CDH18: variants seen among roughly 807,000 people sequenced by gnomAD.
The protein encoded by CDH18 is cadherin-18.
In CDH18, 31 loss-of-function variants were observed where a neutral mutation model predicts 67.9. The ratio of observed to expected loss-of-function variants is 0.46; its 90% CI spans 0.34 to 0.62. The LOEUF (loss-of-function observed/expected upper bound fraction) is 0.62. CDH18 is among the 20% of genes least tolerant of loss of function. The pLI is 0.01. For synonymous variants in CDH18, 362 were observed against 347.2 expected, an observed-to-expected ratio of 1.04 and a Z score of -0.48; for missense variants, 890 against 975.5, an observed-to-expected ratio of 0.91 and a Z score of 1.17.
chr5:20,136,744 G>A (rs1749760425), intron 2 of CDH18, among the ~76,000 whole-genome samples: 1 of 152,118 alleles, frequency 6.6e-6, no homozygotes, highest in South Asian at 2.1e-4. Flanking sequence ...TCCTTTCCAT[G>A]TTTAGTGCTT....
At chr5:19,636,582 C>T (rs1383978859) in intron 5 of CDH18, among the ~76,000 whole-genome samples, 2 of 151,740 alleles carry the variant, frequency 1.3e-5, no homozygotes, top group East Asian at 1.9e-4. Context: ...ATACTGCTAC[C>T]TCTAATCTCC....
intron 5 of CDH18, among the ~76,000 whole-genome samples, chr5:19,636,382 C>A (rs1010770977): frequency 6.6e-6 from 1 of 151,782 alleles, no homozygotes; most frequent in Non-Finnish European, 1.5e-5. Context: ...TGCATCAAAA[C>A]GTTTTTTCCA....
At chr5:19,775,740 G>T (rs2149760099) in intron 3 of CDH18, among the ~76,000 whole-genome samples, 1 of 152,196 alleles carries the variant, frequency 6.6e-6, no homozygotes, top group East Asian at 1.9e-4. Flanking sequence ...AGCTGAGGCA[G>T]ATGTACATCA....
chr5:20,095,466 A>AGAAG (rs1339960091), intron 2 of CDH18, among the ~76,000 whole-genome samples: 3,748 of 127,236 alleles, frequency 0.029, 280 homozygotes, highest in African/African-American at 0.1. Flanking sequence ...GAAAGAAGAA[A>AGAAG]GAAGGAAGGA....
intron 3 of CDH18, among the ~76,000 whole-genome samples, chr5:19,778,012 C>T (rs1774597381): frequency 6.6e-6 from 1 of 152,032 alleles, no homozygotes; most frequent in African/African-American, 2.4e-5. Flanking sequence ...CCTTGAAAAT[C>T]CCAAATTATT....
chr5:20,474,337 T>G (rs1408427703), intron 1 of CDH18, among the ~76,000 whole-genome samples: 11 of 152,108 alleles, frequency 7.2e-5, no homozygotes, highest in Non-Finnish European at 1.5e-4. Flanking sequence ...TTGTTATTCA[T>G]TTTTGGAGAC....
chr5:19,556,036 G>A (rs943266632), intron 8 of CDH18, among the ~76,000 whole-genome samples: 1 of 152,062 alleles, frequency 6.6e-6, no homozygotes, highest in Non-Finnish European at 1.5e-5. Flanking sequence ...AATAATTGAA[G>A]TTTGACTCTC....
At chr5:20,328,909 T>C (rs1454530651) in intron 1 of CDH18, among the ~76,000 whole-genome samples, 2 of 127,240 alleles carry the variant, frequency 1.6e-5, no homozygotes, top group Non-Finnish European at 3.6e-5. Flanking sequence ...TGAGCCTGGA[T>C]ATGTCCAGAC....
intron 2 of CDH18, among the ~76,000 whole-genome samples, chr5:19,899,980 A>G (rs111908195): frequency 2.0e-5 from 3 of 152,304 alleles, no homozygotes; most frequent in African/African-American, 7.2e-5. Flanking sequence ...AATTTCAATT[A>G]CGCAAGATGA....
Position 20,420,391 on chromosome 5 carries a change from A to G in CDH18, c.-580+155071T>C, listed in dbSNP as rs369109455. On this transcript the variant is annotated intron_variant, in intron 1 of 14. Transcript: ENST00000507958. ...CAATGAAATAAAAACAAAGCAATAT[A>G]CCAACAAGTGGAAAAATCGATGTAT... Among the ~76,000 whole-genome samples, 9 of 151,320 alleles carry G rather than the reference A, an allele frequency of 5.9e-5. No homozygotes were observed. In the South Asian group the frequency reaches 1.9e-3, roughly 31 times the overall value.
At chr5:19,932,626 G>A (rs892039019) in intron 2 of CDH18, among the ~76,000 whole-genome samples, 1 of 151,600 alleles carries the variant, frequency 6.6e-6, no homozygotes, top group African/African-American at 2.4e-5. Context: ...AATCTTTGCA[G>A]TTCATTCACT....
intron 5 of CDH18, among the ~76,000 whole-genome samples, chr5:19,617,268 T>C (rs1749987991): frequency 6.6e-6 from 1 of 152,198 alleles, no homozygotes; most frequent in African/African-American, 2.4e-5. Flanking sequence ...TTTTCTCAAT[T>C]GTAAAAGGTA....
At chr5:19,836,275 C>T (rs1781617542) in intron 3 of CDH18, among the ~76,000 whole-genome samples, 4 of 152,094 alleles carry the variant, frequency 2.6e-5, no homozygotes. Flanking sequence ...CTAATTTACA[C>T]TCCCACCAAC....
chr5:20,013,660 T>C (rs1204740647), intron 2 of CDH18, among the ~76,000 whole-genome samples: 1 of 152,132 alleles, frequency 6.6e-6, no homozygotes. Flanking sequence ...AATTTAGATG[T>C]ATACATTTCA....
intron 2 of CDH18, among the ~76,000 whole-genome samples, chr5:20,152,440 G>A (rs1274611550): frequency 6.6e-6 from 1 of 151,482 alleles, no homozygotes; most frequent in African/African-American, 2.4e-5. Context: ...ATTGCCTGGA[G>A]TTTTGAAATA....
chr5:19,875,442 C>A lies in CDH18; in HGVS notation c.-256-36200G>T, dbSNP rs78799684. Among the ~76,000 whole-genome samples, 1,108 of 113,832 alleles carry A rather than the reference C, an allele frequency of 9.7e-3. 9 individuals are homozygous for A. The highest frequency in any genetic ancestry group is 0.028 in the African/African-American group (653 of 22,926). The allele number at this position is 113,832 out of a possible 152,430, so 74.7% of individuals were successfully genotyped here. A position where few individuals can be genotyped will look rare whatever the true frequency, so the allele number is the denominator to read the frequency against. On this transcript the variant is annotated intron_variant, in intron 2 of 12. Coordinates refer to ENST00000382275, the MANE Select transcript of CDH18 (RefSeq NM_004934.5). The stretch of plus-strand genomic sequence containing the variant: ...TAGATAGATAGATAGATAGATAGAT[C>A]GATCGATCTATAGATAGATAGATGG...
chr5:20,270,609 T>C (rs759027887), intron 1 of CDH18, among the ~76,000 whole-genome samples: 3 of 152,020 alleles, frequency 2.0e-5, no homozygotes, highest in Non-Finnish European at 2.9e-5. Flanking sequence ...AAAATACCAT[T>C]GGACTCAGCA....
At chr5:20,175,362 C>T (rs1170408855) in intron 2 of CDH18, among the ~76,000 whole-genome samples, 2 of 152,076 alleles carry the variant, frequency 1.3e-5, no homozygotes, top group African/African-American at 4.8e-5. Context: ...TCCTATTTTT[C>T]CTGATAAAAT....
chr5:20,406,813 G>A (rs375656815), intron 1 of CDH18, among the ~76,000 whole-genome samples: 9 of 152,288 alleles, frequency 5.9e-5, no homozygotes, highest in East Asian at 1.9e-4. Flanking sequence ...AATAATGCAA[G>A]TATAAGTTCC....
Sources: allele counts gnomAD v4.1 joint callset (sites outside exome capture counted in the v4.1 genomes callset), GRCh38; gene constraint gnomAD v4.1.1; transcripts MANE v1.5; gene names NCBI Gene and HGNC (gene_info 2026-07-23, HGNC 2026-07-21).